PTPRD: variants seen among roughly 807,000 people sequenced by gnomAD.
PTPRD encodes receptor-type tyrosine-protein phosphatase delta.
In PTPRD, 34 loss-of-function variants were observed where a neutral mutation model predicts 214.5. That is an observed-to-expected ratio of 0.16 (90% confidence interval 0.12 to 0.21). The LOEUF (loss-of-function observed/expected upper bound fraction) is 0.21. PTPRD is among the 10% of genes least tolerant of loss of function. The probability of loss-of-function intolerance (pLI) is 1.00; values close to 1 mark genes in which losing one functional copy is unlikely to be tolerated. For missense variants in PTPRD, 2,545 were observed against 2,398.7 expected, an observed-to-expected ratio of 1.06 and a Z score of -1.27; for synonymous variants, 1,128 against 845.7, an observed-to-expected ratio of 1.33 and a Z score of -5.79.
At chr9:8,959,834 A>G (rs1456542553) in intron 11 of PTPRD, among the ~76,000 whole-genome samples, 9 of 152,028 alleles carry the variant, frequency 5.9e-5, no homozygotes, top group Admixed American at 5.9e-4. Context: ...GGGCATGTAG[A>G]CGGAGTTGCT....
chr9:10,366,339 G>C (rs1480173715), intron 2 of PTPRD, among the ~76,000 whole-genome samples: 1 of 152,146 alleles, frequency 6.6e-6, no homozygotes, highest in African/African-American at 2.4e-5. Flanking sequence ...GGCTCATAAA[G>C]GTGAGAAAGT....
At chr9:8,392,094 T>C (rs758021015) in intron 36 of PTPRD, among the ~76,000 whole-genome samples, 1 of 151,982 alleles carries the variant, frequency 6.6e-6, no homozygotes. Flanking sequence ...TTTAAGAATT[T>C]AGGAATTGGG....
chr9:10,061,328 G>T (rs1276154764), intron 3 of PTPRD, among the ~76,000 whole-genome samples: 1 of 152,010 alleles, frequency 6.6e-6, no homozygotes, highest in Non-Finnish European at 1.5e-5. Context: ...AGAATGGAAA[G>T]GACCTATTAT....
intron 5 of PTPRD, among the ~76,000 whole-genome samples, chr9:9,894,706 T>C (rs1226802038): frequency 1.3e-5 from 2 of 152,098 alleles, no homozygotes; most frequent in Non-Finnish European, 2.9e-5. Context: ...AGCTAAATAA[T>C]ATCTCTCTTT....
intron 11 of PTPRD, among the ~76,000 whole-genome samples, chr9:8,801,726 G>A (rs1379420553): frequency 6.6e-6 from 1 of 152,042 alleles, no homozygotes; most frequent in Non-Finnish European, 1.5e-5. Flanking sequence ...TTTAAAAAAT[G>A]AATAAATAAA....
At chr9:8,812,717 G>C (rs1334303561) in intron 11 of PTPRD, among the ~76,000 whole-genome samples, 1 of 151,626 alleles carries the variant, frequency 6.6e-6, no homozygotes, top group East Asian at 1.9e-4. Flanking sequence ...ACAAACTCTG[G>C]AGAGGAGGAC....
At chr9:10,229,246 T>C (rs570008067) in intron 3 of PTPRD, among the ~76,000 whole-genome samples, 1 of 152,060 alleles carries the variant, frequency 6.6e-6, no homozygotes, top group African/African-American at 2.4e-5. Context: ...ACTTTTACAC[T>C]GTTGGCGGGA....
chr9:9,200,542 A>G (rs182345335), intron 9 of PTPRD, among the ~76,000 whole-genome samples: 5 of 152,324 alleles, frequency 3.3e-5, no homozygotes, highest in Admixed American at 2.6e-4. Flanking sequence ...TTTATAGATT[A>G]AGGACCCAAC....
intron 9 of PTPRD, among the ~76,000 whole-genome samples, chr9:9,270,830 C>T (rs79542769): frequency 0.066 from 9,947 of 151,300 alleles, 387 homozygotes; most frequent in Middle Eastern, 0.17. Flanking sequence ...ACAGGATTCA[C>T]ACACATTTTA....
At chr9:10,068,389 T>C (rs1173817818) in intron 3 of PTPRD, among the ~76,000 whole-genome samples, 1 of 151,924 alleles carries the variant, frequency 6.6e-6, no homozygotes, top group Non-Finnish European at 1.5e-5. Context: ...AAGTATTTTA[T>C]ATATAAAAAT....
chr9:8,987,895 G>A (rs1334012916), intron 11 of PTPRD, among the ~76,000 whole-genome samples: 1 of 152,046 alleles, frequency 6.6e-6, no homozygotes, highest in Non-Finnish European at 1.5e-5. Flanking sequence ...CAGTTTGAAG[G>A]CAATAGTTAA....
At chr9:8,380,089 T>TG (rs2084523505) in intron 37 of PTPRD, among the ~76,000 whole-genome samples, 2 of 152,178 alleles carry the variant, frequency 1.3e-5, no homozygotes, top group African/African-American at 2.4e-5. Context: ...TTTTTGTGTG[T>TG]GGGGGGTTGT....
chr9:10,423,370 T>C (rs928930130), intron 2 of PTPRD, among the ~76,000 whole-genome samples: 5 of 151,910 alleles, frequency 3.3e-5, no homozygotes, highest in African/African-American at 1.2e-4. Flanking sequence ...CAGGTTAATG[T>C]GTGCAGCAAA....
chr9:9,825,202 A>G (rs991835713), intron 5 of PTPRD, among the ~76,000 whole-genome samples: 1 of 152,006 alleles, frequency 6.6e-6, no homozygotes, highest in East Asian at 1.9e-4. Flanking sequence ...CATATAGGAA[A>G]GACAGAATAA....
chr9:9,835,294 C>CT (rs909387502), intron 5 of PTPRD, among the ~76,000 whole-genome samples: 16 of 151,816 alleles, frequency 1.1e-4, no homozygotes, highest in Admixed American at 2.6e-4. Flanking sequence ...ACCCCTGAGA[C>CT]TTTTTTTTAC....
At chr9:9,159,651 G>C (rs2077692) in intron 10 of PTPRD, among the ~76,000 whole-genome samples, 45,228 of 151,896 alleles carry the variant, frequency 0.3, 7,286 homozygotes, top group Non-Finnish European at 0.36. Context: ...TCGACAGGTT[G>C]AATACAATCC....
chr9:9,477,744 A>G (rs1226403841), intron 8 of PTPRD, among the ~76,000 whole-genome samples: 1 of 152,220 alleles, frequency 6.6e-6, no homozygotes, highest in Non-Finnish European at 1.5e-5. Context: ...ATATGGTGCA[A>G]GAATGTAATA....
chr9:10,029,201 C>G (rs889461222), intron 4 of PTPRD, among the ~76,000 whole-genome samples: 1 of 152,154 alleles, frequency 6.6e-6, no homozygotes, highest in East Asian at 1.9e-4. Flanking sequence ...CCTGGATGTC[C>G]AGAAAGAAGT....
intron 11 of PTPRD, among the ~76,000 whole-genome samples, chr9:8,952,123 C>T (rs1480627563): frequency 6.6e-6 from 1 of 151,902 alleles, no homozygotes; most frequent in African/African-American, 2.4e-5. Context: ...TTCCGAATTG[C>T]CTCCCCCACT....
Sources: gnomAD v4.1 joint callset for allele counts (sites outside exome capture counted in the v4.1 genomes callset) on GRCh38, gnomAD v4.1.1 for gene constraint, MANE v1.5 for transcripts, NCBI Gene and HGNC (gene_info 2026-07-23, HGNC 2026-07-21) for gene names.